Variants in DCC observed in about 807,000 individuals in gnomAD.
DCC encodes DCC netrin 1 receptor, also known as netrin receptor DCC.
DCC carries 58 observed loss-of-function variants against 172.5 expected under a neutral mutation model. That is an observed-to-expected ratio of 0.34 (90% CI 0.27 to 0.42). DCC has a LOEUF of 0.42. DCC is among the 10% of genes least tolerant of loss of function. The pLI, the probability that DCC is intolerant of heterozygous loss-of-function variation, is 1.00. For synonymous variants in DCC, 709 were observed against 644.5 expected (o/e 1.10, Z -1.52); for missense variants, 1,740 against 1,791.0 (o/e 0.97, Z 0.51).
At chr18:52,975,434 T>G (rs1443306221) in intron 5 of DCC, among the ~76,000 whole-genome samples, 3 of 151,662 alleles carry the variant, frequency 2.0e-5, no homozygotes, top group Non-Finnish European at 4.4e-5. Flanking sequence ...TCATGGGGGG[T>G]TGTTGTACTG....
chr18:52,704,587 G>A (rs16955409), intron 1 of DCC, among the ~76,000 whole-genome samples: 8,865 of 152,252 alleles, frequency 0.058, 272 homozygotes, highest in South Asian at 0.14. Context: ...TTGAAGCACT[G>A]TATTTCTGAA....
intron 22 of DCC, among the ~76,000 whole-genome samples, chr18:53,438,884 C>T (rs960223293): frequency 6.6e-6 from 1 of 152,148 alleles, no homozygotes; most frequent in African/African-American, 2.4e-5. Context: ...AGGAGAAAGT[C>T]GTGAAGATTA....
chr18:53,021,268 A>G (rs2041878369), intron 5 of DCC, among the ~76,000 whole-genome samples: 3 of 152,186 alleles, frequency 2.0e-5, no homozygotes, highest in Non-Finnish European at 4.4e-5. Flanking sequence ...AACCTCTGAA[A>G]TCTGTGTGGT....
At chr18:53,147,662 C>T (rs2043936031) in intron 7 of DCC, among the ~76,000 whole-genome samples, 1 of 152,196 alleles carries the variant, frequency 6.6e-6, no homozygotes, top group Non-Finnish European at 1.5e-5. Context: ...TGCCACCTCA[C>T]ACACCTGTTA....
intron 1 of DCC, among the ~76,000 whole-genome samples, chr18:52,450,621 A>C (rs553493621): frequency 1.8e-3 from 276 of 152,316 alleles, no homozygotes; most frequent in African/African-American, 6.4e-3. Flanking sequence ...TCCAAATTAC[A>C]TATGATTACT....
chr18:52,747,716 T>C (rs527546579), intron 1 of DCC, among the ~76,000 whole-genome samples: 1 of 152,334 alleles, frequency 6.6e-6, no homozygotes, highest in South Asian at 2.1e-4. Flanking sequence ...TGAAGTCATT[T>C]TATAAAATTA....
intron 7 of DCC, among the ~76,000 whole-genome samples, chr18:53,140,313 A>G (rs1393494698): frequency 6.6e-6 from 1 of 152,200 alleles, no homozygotes; most frequent in African/African-American, 2.4e-5. Context: ...CTCAGTGTCA[A>G]CTCAGATTAA....
Position 53,020,837 on chromosome 18 carries a change from A to C in DCC, c.986-42468A>C, listed in dbSNP as rs200956323. 3.3e-5 allele frequency among the ~76,000 whole-genome samples: 5 copies of C among 152,266 alleles called. No homozygotes were observed. The East Asian group carries it at 9.7e-4, about 29-fold the overall frequency. On this transcript the variant is annotated intron_variant, in intron 5 of 28. Transcript: ENST00000442544. The stretch of plus-strand genomic sequence containing the variant: ...GTGGCTTGTTTTTAAATGAGGGGGA[A>C]AAATTTAGGGAACAAGAGAGAGTGC...
chr18:52,349,289 C>G (rs1984014844), intron 1 of DCC, among the ~76,000 whole-genome samples: 1 of 152,164 alleles, frequency 6.6e-6, no homozygotes, highest in Non-Finnish European at 1.5e-5. Context: ...GCAGAGGCCT[C>G]TGTAGTGTGT....
chr18:52,417,691 G>T (rs1222943), intron 1 of DCC, among the ~76,000 whole-genome samples: 7 of 148,528 alleles, frequency 4.7e-5, no homozygotes, highest in African/African-American at 4.9e-5. Flanking sequence ...GCATTCTTCA[G>T]GTAGTTCTCG....
chr18:52,426,591 G>A (rs1010061722), intron 1 of DCC, among the ~76,000 whole-genome samples: 1 of 151,728 alleles, frequency 6.6e-6, no homozygotes, highest in Non-Finnish European at 1.5e-5. Context: ...AACCTACAAG[G>A]CAAATATCTG....
At chr18:53,215,043 A>G (rs190783511) in intron 11 of DCC, among the ~76,000 whole-genome samples, 1 of 152,230 alleles carries the variant, frequency 6.6e-6, no homozygotes, top group Admixed American at 6.5e-5. Flanking sequence ...TTACACAGCT[A>G]AAAGAACTGA....
chr18:53,160,870 G>A (rs973400334), intron 8 of DCC, among the ~76,000 whole-genome samples: 36 of 152,068 alleles, frequency 2.4e-4, no homozygotes, highest in African/African-American at 8.2e-4. Context: ...GTCTTAAAGC[G>A]TATAATCTGT....
intron 1 of DCC, among the ~76,000 whole-genome samples, chr18:52,531,834 G>C (rs572267703): frequency 2.3e-4 from 35 of 152,124 alleles, no homozygotes; most frequent in Admixed American, 2.2e-3. Context: ...ACCTCCTAAG[G>C]TGTTCCGGAA....
chr18:53,160,281 C>G (rs4245255), intron 8 of DCC, among the ~76,000 whole-genome samples: 65,121 of 151,884 alleles, frequency 0.43, 14,850 homozygotes, highest in East Asian at 0.71. Flanking sequence ...AAATCATATT[C>G]TTGCCTCACT....
chr18:53,398,660 C>T (rs1161009659), intron 18 of DCC, among the ~76,000 whole-genome samples: 4 of 152,080 alleles, frequency 2.6e-5, no homozygotes, highest in African/African-American at 9.7e-5. Flanking sequence ...CAAGCAAATT[C>T]ATTCATTTTT....
intron 12 of DCC, among the ~76,000 whole-genome samples, chr18:53,255,210 G>T (rs1038736320): frequency 5.3e-5 from 8 of 149,596 alleles, no homozygotes; most frequent in Non-Finnish European, 8.9e-5. Flanking sequence ...GAGGTTTTTT[G>T]TTTTTTTTTC....
chr18:52,721,840 C>G (rs2036478263), intron 1 of DCC, among the ~76,000 whole-genome samples: 1 of 152,096 alleles, frequency 6.6e-6, no homozygotes, highest in Admixed American at 6.5e-5. Flanking sequence ...GCCTGGCCAA[C>G]ATGGTGAAAA....
chr18:53,432,175 A>G (rs1911661438), intron 21 of DCC, among the ~76,000 whole-genome samples: 1 of 152,158 alleles, frequency 6.6e-6, no homozygotes, highest in Non-Finnish European at 1.5e-5. Context: ...TAAACCTAGT[A>G]GTAAGTTTAT....
Sources: gnomAD v4.1 joint callset for allele counts (sites outside exome capture counted in the v4.1 genomes callset) on GRCh38, gnomAD v4.1.1 for gene constraint, MANE v1.5 for transcripts, NCBI Gene and HGNC (gene_info 2026-07-23, HGNC 2026-07-21) for gene names.